Variants in PCDHGB3 observed in about 807,000 individuals in gnomAD.
PCDHGB3 encodes protocadherin gamma subfamily B, 3.
Under a neutral mutation model 59.2 loss-of-function variants are expected in PCDHGB3, and 40 were observed. The observed-to-expected ratio is 0.68, with a 90% CI of 0.52 to 0.88. The LOEUF is 0.88. Ranked by LOEUF, PCDHGB3 falls within the 40% of genes least tolerant of loss-of-function variation. The pLI, the probability that PCDHGB3 is intolerant of heterozygous loss-of-function variation, is 0.00. For synonymous variants in PCDHGB3, 581 were observed against 503.6 expected, an observed-to-expected ratio of 1.15 and a Z score of -2.06; for missense variants, 1,309 against 1,187.9, an observed-to-expected ratio of 1.10 and a Z score of -1.50.
At chr5:141,374,266 G>T in intron 1 of PCDHGB3, 1 of 1,614,016 alleles carries the variant, frequency 6.2e-7, no homozygotes, top group Non-Finnish European at 8.5e-7. Context: ...AGTTGGCGGA[G>T]CACGGAGTCC....
intron 1 of PCDHGB3, chr5:141,475,997 G>T: frequency 8.4e-7 from 1 of 1,184,406 alleles, no homozygotes; most frequent in Non-Finnish European, 1.2e-6. Flanking sequence ...CAAATCAACG[G>T]CATCCAGAAA....
At chr5:141,399,576 C>A (rs2093838433) in intron 1 of PCDHGB3, 4 of 1,614,028 alleles carry the variant, frequency 2.5e-6, no homozygotes, top group Non-Finnish European at 3.4e-6. Context: ...ACGGCCAAGT[C>A]TCCTACTCTA....
chr5:141,451,326 G>T (rs189445228), intron 1 of PCDHGB3, among the ~76,000 whole-genome samples: 3 of 152,278 alleles, frequency 2.0e-5, no homozygotes, highest in Admixed American at 2.0e-4. Context: ...GTCACCTAAG[G>T]CTATTGTCTT....
At chr5:141,387,628 G>A (rs2091015052) in intron 1 of PCDHGB3, 1 of 577,308 alleles carries the variant, frequency 1.7e-6, no homozygotes, top group Admixed American at 3.5e-5. Context: ...GCTGACTCTG[G>A]GCGCCGCTGT....
At chr5:141,448,415 T>C (rs1286455437) in intron 1 of PCDHGB3, among the ~76,000 whole-genome samples, 2 of 152,158 alleles carry the variant, frequency 1.3e-5, no homozygotes, top group African/African-American at 2.4e-5. Context: ...ATCAAAACAA[T>C]ATACTATGTA....
intron 1 of PCDHGB3, chr5:141,383,656 G>C: frequency 1.2e-6 from 2 of 1,614,008 alleles, no homozygotes; most frequent in South Asian, 1.1e-5. Flanking sequence ...AACTGTCCCC[G>C]AGAATGTGCC....
intron 1 of PCDHGB3, chr5:141,426,414 G>A (rs2096934345): frequency 3.5e-6 from 1 of 287,986 alleles, no homozygotes; most frequent in Admixed American, 4.4e-5. Context: ...AAACGGTCCA[G>A]GGCTCCGTGG....
intron 1 of PCDHGB3, among the ~76,000 whole-genome samples, chr5:141,380,761 A>G (rs952416806): frequency 6.6e-6 from 1 of 152,224 alleles, no homozygotes; most frequent in African/African-American, 2.4e-5. Flanking sequence ...GACACTATAA[A>G]TTAATTGAGA....
chr5:141,418,273 A>C, intron 1 of PCDHGB3: 1 of 1,614,082 alleles, frequency 6.2e-7, no homozygotes, highest in South Asian at 1.1e-5. Context: ...AAGATGAAAT[A>C]AACTTAGAAA....
chr5:141,511,062 C>T lies in PCDHGB3; in HGVS notation c.2679C>T (p.Tyr893=), dbSNP rs775583963. The change falls in exon 4 of 4, where the codon TAC becomes TAT. Residue 893 remains tyrosine, a synonymous_variant. Transcript: ENST00000576222. ...TGCCCGACTACCGCCAGAATGTCTACATCCCAGGCAGCAATGCCACACTGA... is the reference window on the plus strand; with the variant it reads ...TGCCCGACTACCGCCAGAATGTCTATATCCCAGGCAGCAATGCCACACTGA... ...QHVPDYRQNV[Y]IPGSNATLTN... The T allele has an allele frequency of 6.2e-7, 1 of 1,614,246 alleles. No homozygotes were observed. The highest frequency in any genetic ancestry group is 1.3e-5 in the African/African-American group (1 of 75,064).
Position 141,486,998 on chromosome 5 carries a change from C to T in PCDHGB3, c.2416-7809C>T. 1.2e-6 allele frequency: 2 copies of T among 1,614,206 alleles called. No individual in the cohort carries two copies. Among genetic ancestry groups the T allele is most frequent in the Non-Finnish European group, 1.7e-6 (2 of 1,180,034 alleles). On this transcript the variant is annotated intron_variant, in intron 1 of 3. Transcript: ENST00000576222. The surrounding 1 kb of genome is among the most constrained non-coding windows in gnomAD (Gnocchi z 5.0). The stretch of plus-strand genomic sequence containing the variant: ...AGGTTACAATGCTTGGGTTTCCTAT[C>T]AGCTCCTGGAGGCCCCAGATCCCAG...
intron 1 of PCDHGB3, chr5:141,389,882 G>A: frequency 6.2e-7 from 1 of 1,614,082 alleles, no homozygotes; most frequent in Non-Finnish European, 8.5e-7. Flanking sequence ...CCGACAGCTT[G>A]CAGGAGGTGC....
chr5:141,381,417 G>C (rs954058342), intron 1 of PCDHGB3, among the ~76,000 whole-genome samples: 1 of 152,332 alleles, frequency 6.6e-6, no homozygotes, highest in Admixed American at 6.5e-5. Flanking sequence ...GTGGAGAGAC[G>C]AGTACCTCTA....
Position 141,491,478 on chromosome 5 carries a change from C to A in PCDHGB3, c.2416-3329C>A. ...CCCCGGACTTCTATAAGCAGTCCAG[C>A]CCCAACCTGCAGGTGAGCTCGGACG... On this transcript the variant is annotated intron_variant, in intron 1 of 3. Coordinates refer to ENST00000576222, the MANE Select transcript of PCDHGB3 (RefSeq NM_018924.5). The surrounding 1 kb of genome is among the most constrained non-coding windows in gnomAD (Gnocchi z 6.9). 6.2e-7 allele frequency: 1 copy of A among 1,614,068 alleles called. No individual in the cohort carries two copies. Among genetic ancestry groups the A allele is most frequent in the Non-Finnish European group, 8.5e-7 (1 of 1,180,004 alleles).
At position 141,395,016 on chromosome 5, in the gene PCDHGB3, G is replaced by C. The variant is rs772379480; in HGVS notation, c.2415+22207G>C. The C allele has an allele frequency of 4.3e-6, 7 of 1,613,950 alleles. No homozygotes were observed. In the Admixed American group the frequency reaches 5.0e-5, roughly 12 times the overall value. ...GGATTCCGGTGGCAGATTGGTAGGCGTGCCTGCCTCACATTTTGTGGGTGT... is the reference window on the plus strand; with the variant it reads ...GGATTCCGGTGGCAGATTGGTAGGCCTGCCTGCCTCACATTTTGTGGGTGT... On this transcript the variant is annotated intron_variant, in intron 1 of 3. Coordinates refer to ENST00000576222, the MANE Select transcript of PCDHGB3 (RefSeq NM_018924.5).
intron 1 of PCDHGB3, among the ~76,000 whole-genome samples, chr5:141,463,783 C>T (rs1395035313): frequency 1.3e-5 from 2 of 152,138 alleles, no homozygotes; most frequent in African/African-American, 4.8e-5. Flanking sequence ...CCTGCACTGT[C>T]TTTTGAACAA....
At position 141,371,239 on chromosome 5, in the gene PCDHGB3, T is replaced by A. The variant is rs1319098085; in HGVS notation, c.845T>A (p.Ile282Asn). 2 of 1,614,010 alleles carry A rather than the reference T, an allele frequency of 1.2e-6. No homozygotes were observed. The highest frequency in any genetic ancestry group is 2.2e-5 in the East Asian group (1 of 44,878). The part of the protein sequence containing the change: ...GINAEIIYAF[I>N]NIGKEVRQLF... Reference sequence around the variant, plus strand: ...AATGCCGAAATCATCTATGCCTTCATCAATATTGGCAAGGAAGTGAGACAA... The same window carrying A: ...AATGCCGAAATCATCTATGCCTTCAACAATATTGGCAAGGAAGTGAGACAA... The change falls in exon 1 of 4, where the codon ATC becomes AAC. Residue 282 changes from isoleucine (I) to asparagine (N), a missense_variant. Physicochemically the swap from Ile to Asn is moderately radical, Grantham distance 149. Transcript: ENST00000576222.
intron 1 of PCDHGB3, among the ~76,000 whole-genome samples, chr5:141,435,743 G>T (rs3805699): frequency 0.11 from 17,212 of 152,168 alleles, 1,160 homozygotes; most frequent in African/African-American, 0.18. Context: ...TCTTTGAAAA[G>T]CATTGCTTGA....
At chr5:141,410,807 T>C in intron 1 of PCDHGB3, 1 of 647,592 alleles carries the variant, frequency 1.5e-6, no homozygotes, top group Non-Finnish European at 2.4e-6. Flanking sequence ...CTCTATCTTT[T>C]TGTAAAATAA....
Sources: allele counts gnomAD v4.1 joint callset (sites outside exome capture counted in the v4.1 genomes callset), GRCh38; gene constraint gnomAD v4.1.1; non-coding constraint Gnocchi (gnomAD v3.1); transcripts MANE v1.5; gene names NCBI Gene and HGNC (gene_info 2026-07-23, HGNC 2026-07-21).